SNX2: variants seen among roughly 807,000 people sequenced by gnomAD.
SNX2 encodes the protein sorting nexin-2.
In SNX2, 25 loss-of-function variants were observed where a neutral mutation model predicts 69.9. The ratio of observed to expected loss-of-function variants is 0.36; its 90% CI spans 0.26 to 0.50. SNX2 has a LOEUF of 0.50. SNX2 is among the 20% of genes least tolerant of loss of function. SNX2 has a pLI of 0.97. For synonymous variants in SNX2, 229 were observed against 200.4 expected (o/e 1.14, Z -1.20); for missense variants, 551 against 613.3 (o/e 0.90, Z 1.07).
In SNX2 at chr5:122,827,601, C is replaced by T. The variant is rs750258986; in HGVS notation, c.1464C>T (p.Thr488=). 1.2e-5 allele frequency: 20 copies of T among 1,612,940 alleles called. No individual in the cohort carries two copies. Among genetic ancestry groups the T allele is most frequent in the South Asian group, 1.2e-4 (11 of 91,030 alleles). ...AAGAACGAGTGAAGGATTTTAAAAC[C>T]GTTATCATCAAGTACTTAGAATCAC... ...FEKERVKDFK[T]VIIKYLESLV... Residue 488 remains threonine (T), a synonymous_variant, in exon 14 of 15, where the codon ACC becomes ACT. Coordinates refer to ENST00000379516, the MANE Select transcript of SNX2 (RefSeq NM_003100.4).
chr5:122,792,859 T>G (rs1321174007), intron 1 of SNX2, among the ~76,000 whole-genome samples: 2 of 152,112 alleles, frequency 1.3e-5, no homozygotes, highest in Non-Finnish European at 2.9e-5. Context: ...TAAATTCCCT[T>G]TAAACATATG....
intron 1 of SNX2, among the ~76,000 whole-genome samples, chr5:122,783,294 TTTAACA>T (rs1284301083): frequency 6.6e-6 from 1 of 152,160 alleles, no homozygotes; most frequent in African/African-American, 2.4e-5. Flanking sequence ...AGAGCAGATG[TTTAACA>T]TTAACATTTA....
At chr5:122,780,690 C>T (rs1752961590) in intron 1 of SNX2, among the ~76,000 whole-genome samples, 1 of 151,690 alleles carries the variant, frequency 6.6e-6, no homozygotes, top group Non-Finnish European at 1.5e-5. Flanking sequence ...CTGCCTCAGC[C>T]TTCCACGTAG....
intron 1 of SNX2, among the ~76,000 whole-genome samples, chr5:122,779,604 T>C (rs896141534): frequency 2.6e-5 from 4 of 152,196 alleles, no homozygotes; most frequent in African/African-American, 9.6e-5. Flanking sequence ...ATTCAGCTAT[T>C]GTGAATAATG....
intron 1 of SNX2, among the ~76,000 whole-genome samples, chr5:122,779,363 A>G (rs949164119): frequency 6.6e-5 from 10 of 151,978 alleles, no homozygotes; most frequent in African/African-American, 2.4e-4. Context: ...CCACTAATCT[A>G]CTTTCTGTCT....
chr5:122,799,317 A>G (rs921933836), intron 2 of SNX2, among the ~76,000 whole-genome samples: 2 of 152,194 alleles, frequency 1.3e-5, no homozygotes, highest in Non-Finnish European at 2.9e-5. Context: ...TTGTCTTTAT[A>G]TGTATAAAAT....
chr5:122,798,790 C>T (rs1475365458), intron 2 of SNX2, among the ~76,000 whole-genome samples: 6 of 152,148 alleles, frequency 3.9e-5, no homozygotes, highest in East Asian at 1.9e-4. Context: ...TCAGTCTTCT[C>T]AGATCCATTT....
chr5:122,808,734 T>G (rs1482371227), intron 7 of SNX2: 14 of 158,336 alleles, frequency 8.8e-5, no homozygotes, highest in Non-Finnish European at 1.4e-4. Flanking sequence ...AAGTTGTGAA[T>G]GGGGGGAAAA....
At chr5:122,792,540 T>G (rs1052477168) in intron 1 of SNX2, among the ~76,000 whole-genome samples, 1 of 149,416 alleles carries the variant, frequency 6.7e-6, no homozygotes, top group Non-Finnish European at 1.5e-5. Context: ...GAGGTTACAG[T>G]GAGCCGAGAT....
chr5:122,810,613 G>T (rs3776189), intron 7 of SNX2, among the ~76,000 whole-genome samples: 30,404 of 151,884 alleles, frequency 0.2, 3,484 homozygotes, highest in East Asian at 0.46. Context: ...CTACCTTTAC[G>T]TTTCTTCCAA....
intron 11 of SNX2, among the ~76,000 whole-genome samples, chr5:122,825,836 A>G (rs1754137635): frequency 6.6e-6 from 1 of 152,088 alleles, no homozygotes; most frequent in Non-Finnish European, 1.5e-5. Flanking sequence ...TATTCTGAAC[A>G]TGTTTCATCC....
chr5:122,783,990 T>C (rs1049854498), intron 1 of SNX2, among the ~76,000 whole-genome samples: 1 of 151,956 alleles, frequency 6.6e-6, no homozygotes, highest in East Asian at 1.9e-4. Context: ...TATTTTGTTA[T>C]GTGCTAGATC....
chr5:122,787,143 C>G (rs1285094633), intron 1 of SNX2, among the ~76,000 whole-genome samples: 1 of 152,162 alleles, frequency 6.6e-6, no homozygotes, highest in Non-Finnish European at 1.5e-5. Context: ...TAGAAAATAG[C>G]TCTTTTCCTA....
Position 122,803,708 on chromosome 5 carries a change from A to G in SNX2, c.643+95A>G, listed in dbSNP as rs992238234. 16 of 900,608 alleles carry G rather than the reference A, an allele frequency of 1.8e-5. No homozygotes were observed. The East Asian group carries it at 3.8e-4, about 21-fold the overall frequency. 55.8% of individuals were successfully genotyped at this position (900,608 alleles called of 1,614,324 possible). On this transcript the variant is annotated intron_variant, in intron 6 of 14. Coordinates refer to ENST00000379516, the MANE Select transcript of SNX2 (RefSeq NM_003100.4). Reference sequence around the variant, plus strand: ...TGGATTTCTTAGTCATTCACTGTCAACATTTTATAATGTGTAGACATAACT... The same window carrying G: ...TGGATTTCTTAGTCATTCACTGTCAGCATTTTATAATGTGTAGACATAACT...
In SNX2 at chr5:122,799,738, C is replaced by T; in HGVS notation, c.273C>T (p.Ile91=). ...TGGACAGCCCTGAAAGGGAACCTAT[C>T]CTATCCTCGGAACCTTCTCCTGCAG... ...VSLDSPEREP[I]LSSEPSPAVT... The change falls in exon 3 of 15, where the codon ATC becomes ATT. Residue 91 remains isoleucine (I), a synonymous_variant. Transcript: ENST00000379516. 6.2e-7 allele frequency: 1 copy of T among 1,613,810 alleles called. No individual in the cohort carries two copies. The highest frequency in any genetic ancestry group is 1.1e-5 in the South Asian group (1 of 91,062).
intron 1 of SNX2, among the ~76,000 whole-genome samples, chr5:122,782,485 C>G (rs1753000016): frequency 6.6e-6 from 1 of 152,032 alleles, no homozygotes; most frequent in Admixed American, 6.6e-5. Flanking sequence ...GCAGTTCGCC[C>G]TTCTCAGCCT....
chr5:122,785,174 A>C (rs1245800962), intron 1 of SNX2, among the ~76,000 whole-genome samples: 1 of 150,206 alleles, frequency 6.7e-6, no homozygotes, highest in East Asian at 2.0e-4. Context: ...TTTTGCTTTC[A>C]TTGATTTTTT....
chr5:122,793,120 A>T (rs911666765), intron 1 of SNX2, among the ~76,000 whole-genome samples: 5 of 152,212 alleles, frequency 3.3e-5, no homozygotes, highest in Non-Finnish European at 7.3e-5. Context: ...TTCCATTCTT[A>T]GGTTTATACA....
chr5:122,813,862 C>T (rs1036056791), intron 7 of SNX2, among the ~76,000 whole-genome samples: 7 of 149,170 alleles, frequency 4.7e-5, no homozygotes, highest in Admixed American at 2.7e-4. Flanking sequence ...CAACCTCCGT[C>T]TCCTGGGTTC....
Sources: gnomAD v4.1 joint callset for allele counts (sites outside exome capture counted in the v4.1 genomes callset) on GRCh38, gnomAD v4.1.1 for gene constraint, MANE v1.5 for transcripts, NCBI Gene and HGNC (gene_info 2026-07-23, HGNC 2026-07-21) for gene names.